The following KALRN variants were observed in gnomAD, a reference collection of about 807,000 sequenced individuals.
The protein encoded by KALRN is kalirin.
KALRN carries 70 observed loss-of-function variants against 353.7 expected under a neutral mutation model. The ratio of observed to expected loss-of-function variants is 0.20; its 90% CI spans 0.16 to 0.24. KALRN has a LOEUF of 0.24. KALRN is among the 10% of genes least tolerant of loss of function. The probability of loss-of-function intolerance (pLI) is 1.00; values close to 1 mark genes in which losing one functional copy is unlikely to be tolerated. For synonymous variants in KALRN, 1,391 were observed against 1,434.8 expected (o/e 0.97, Z 0.69); for missense variants, 2,791 against 3,756.7 (o/e 0.74, Z 6.72).
chr3:124,593,881 C>T (rs1000807302), intron 34 of KALRN, among the ~76,000 whole-genome samples: 6 of 152,154 alleles, frequency 3.9e-5, no homozygotes, highest in East Asian at 3.9e-4. Context: ...CCCTGCCAAA[C>T]GAGGTCTTGC....
rs141190005 is a variant in KALRN at position 124,689,113 on chromosome 3, A to G, written c.7378-4691A>G. 5.0e-3 allele frequency among the ~76,000 whole-genome samples: 758 copies of G among 152,370 alleles called. 2 individuals carry two copies. Among genetic ancestry groups the G allele is most frequent in the Non-Finnish European group, 9.0e-3 (609 of 68,030 alleles). ...AGCCCTGTCCTCCCGGACTTGGCCCAGCATTCTCTTGTGCTGTTTCACAGA... is the reference window on the plus strand; with the variant it reads ...AGCCCTGTCCTCCCGGACTTGGCCCGGCATTCTCTTGTGCTGTTTCACAGA... On this transcript the variant is annotated intron_variant, in intron 51 of 59. Coordinates refer to ENST00000682506, the MANE Select transcript of KALRN (RefSeq NM_001388419.1).
At chr3:124,174,347 T>C (rs1364298034) in intron 1 of KALRN, among the ~76,000 whole-genome samples, 2 of 151,892 alleles carry the variant, frequency 1.3e-5, no homozygotes, top group Non-Finnish European at 2.9e-5. Context: ...GGCAGGAGAA[T>C]CTCTTGAACC....
chr3:124,179,272 A>T (rs1255123669), intron 1 of KALRN, among the ~76,000 whole-genome samples: 2 of 152,220 alleles, frequency 1.3e-5, no homozygotes, highest in East Asian at 1.9e-4. Context: ...CTTTAAAAAA[A>T]TTTTTAAAAC....
At chr3:124,639,971 A>G (rs2081849412) in intron 37 of KALRN, among the ~76,000 whole-genome samples, 1 of 152,150 alleles carries the variant, frequency 6.6e-6, no homozygotes, top group Non-Finnish European at 1.5e-5. Flanking sequence ...TGTGGTAGCA[A>G]TGTAACAATA....
chr3:124,592,318 A>C (rs1578199235), intron 34 of KALRN, among the ~76,000 whole-genome samples: 1 of 151,606 alleles, frequency 6.6e-6, no homozygotes, highest in Non-Finnish European at 1.5e-5. Flanking sequence ...ACAAAAAAAA[A>C]AAAAAAAAAA....
chr3:124,519,774 C>T, intron 33 of KALRN: 1 of 985,434 alleles, frequency 1.0e-6, no homozygotes, highest in Admixed American at 6.1e-5. Context: ...CGGGCATTTG[C>T]ATGACTGAGA....
chr3:124,708,571 T>C (rs333262), intron 57 of KALRN, among the ~76,000 whole-genome samples: 102,642 of 151,992 alleles, frequency 0.68, 35,118 homozygotes, highest in East Asian at 0.9. Flanking sequence ...ATAAATTATC[T>C]GACATGAAGA....
chr3:124,268,930 G>A lies in KALRN; in HGVS notation c.644G>A (p.Arg215Gln), dbSNP rs758996837. 34 of 1,613,950 alleles carry A rather than the reference G, an allele frequency of 2.1e-5. No homozygotes were observed. The highest frequency in any genetic ancestry group is 2.7e-5 in the Non-Finnish European group (32 of 1,180,002). ...GAGGACCTCCAGGAGATGCTAGCCC[G>A]GAAGGAGTTTCCTGTGGATGTGGAG... is the stretch of plus-strand genomic sequence containing the variant. The part of the protein sequence containing the change: ...RLEDLQEMLA[R>Q]KEFPVDVEGS... Residue 215 changes from arginine to glutamine, a missense_variant, in exon 5 of 60, where the codon CGG (arginine) becomes CAG (glutamine). Arg to Gln is a conservative substitution (Grantham distance 43). Around this residue, in one of 11 missense-constraint regions of KALRN, gnomAD observed 366 missense variants for 489.2 expected, o/e 0.75. Transcript: ENST00000682506.
Position 124,131,052 on chromosome 3 carries a change from C to T in KALRN, c.74-96938C>T, listed in dbSNP as rs140970063. On this transcript the variant is annotated intron_variant, in intron 1 of 59. Coordinates refer to ENST00000682506, the MANE Select transcript of KALRN (RefSeq NM_001388419.1). ...TTAGTGTATAACATATGCAGAAATT[C>T]ACCCAGCTGTACCCTTATGATTTGT... Among the ~76,000 whole-genome samples, 105 of 152,256 alleles carry T rather than the reference C, an allele frequency of 6.9e-4. No homozygotes were observed. The South Asian group carries it at 0.014, about 20-fold the overall frequency.
intron 33 of KALRN, among the ~76,000 whole-genome samples, chr3:124,528,596 T>C (rs1331692763): frequency 6.6e-6 from 1 of 152,090 alleles, no homozygotes; most frequent in Admixed American, 6.6e-5. Context: ...GAGCTTAGAG[T>C]ACCAGCACAC....
intron 1 of KALRN, among the ~76,000 whole-genome samples, chr3:124,044,309 C>G (rs958102357): frequency 6.6e-6 from 1 of 152,102 alleles, no homozygotes; most frequent in Non-Finnish European, 1.5e-5. Flanking sequence ...GGGCACCAGG[C>G]TTATCTACCC....
intron 1 of KALRN, among the ~76,000 whole-genome samples, chr3:124,218,066 C>G (rs2077519039): frequency 6.6e-6 from 1 of 152,110 alleles, no homozygotes; most frequent in Non-Finnish European, 1.5e-5. Context: ...TGAGGGTCCT[C>G]TGCCCTAAAC....
At chr3:124,527,802 C>T (rs1561225951) in intron 33 of KALRN, among the ~76,000 whole-genome samples, 1 of 152,018 alleles carries the variant, frequency 6.6e-6, no homozygotes, top group Admixed American at 6.6e-5. Flanking sequence ...TCAAGAGAAG[C>T]CTTTCTGATA....
chr3:124,281,719 A>G lies in KALRN; in HGVS notation c.969+12464A>G, dbSNP rs115565014. ...TTGTCCCTGTTCCATGCCATCTAGCATTATAGCTAGGTGCTCAAAGATCTC... is the reference window on the plus strand; with the variant it reads ...TTGTCCCTGTTCCATGCCATCTAGCGTTATAGCTAGGTGCTCAAAGATCTC... On this transcript the variant is annotated intron_variant, in intron 5 of 59. Coordinates refer to ENST00000682506, the MANE Select transcript of KALRN (RefSeq NM_001388419.1). Among the ~76,000 whole-genome samples, 141 of 152,316 alleles carry G rather than the reference A, an allele frequency of 9.3e-4. 1 individual carries two copies. The highest frequency in any genetic ancestry group is 3.3e-3 in the African/African-American group (139 of 41,576).
chr3:124,598,126 C>A (rs1049968279), intron 34 of KALRN, among the ~76,000 whole-genome samples: 1 of 152,218 alleles, frequency 6.6e-6, no homozygotes. Flanking sequence ...ATCTGTCCCA[C>A]AGTGGCCACT....
chr3:124,492,009 C>T (rs565178853), intron 31 of KALRN, among the ~76,000 whole-genome samples: 1 of 152,124 alleles, frequency 6.6e-6, no homozygotes, highest in Non-Finnish European at 1.5e-5. Context: ...CTCTGGGGCA[C>T]AGCAGTGATG....
At position 124,674,563 on chromosome 3, in the gene KALRN, T is replaced by G; in HGVS notation, c.7142T>G (p.Leu2381Arg). 2 of 1,610,052 alleles carry G rather than the reference T, an allele frequency of 1.2e-6. No homozygotes were observed. The highest frequency in any genetic ancestry group is 1.7e-6 in the Non-Finnish European group (2 of 1,177,798). ...AAEGWVPGSI[L>R]APLTKATAAE... is the part of the protein sequence containing the mutation. ...GAGGGCTGGGTCCCAGGCAGCATCC[T>G]GGCGCCCCTCACCAAAGCCACAGCA... Residue 2381 changes from leucine to arginine, a missense_variant, in exon 49 of 60, where the codon CTG becomes CGG. By Grantham distance (102) the Leu-to-Arg change is moderately radical. Around this residue, in one of 11 missense-constraint regions of KALRN, gnomAD observed 1,065 missense variants for 1,156.4 expected, o/e 0.92. Coordinates refer to ENST00000682506, the MANE Select transcript of KALRN (RefSeq NM_001388419.1).
chr3:124,477,211 A>G, intron 26 of KALRN, 34 bp from the exon 27 acceptor site: 1 of 1,470,368 alleles, frequency 6.8e-7, no homozygotes, highest in East Asian at 2.3e-5. Flanking sequence ...ACAACTAATG[A>G]ATGCTTATCT....
At chr3:124,640,585 A>G (rs779045426) in intron 37 of KALRN, among the ~76,000 whole-genome samples, 6 of 152,084 alleles carry the variant, frequency 3.9e-5, no homozygotes, top group Admixed American at 1.3e-4. Flanking sequence ...CGCCCAGCCA[A>G]TGCATTCTAT....
Sources: allele counts gnomAD v4.1 joint callset (sites outside exome capture counted in the v4.1 genomes callset), GRCh38; gene constraint gnomAD v4.1.1; regional missense constraint gnomAD v4.1.1; transcripts MANE v1.5; gene names NCBI Gene and HGNC (gene_info 2026-07-23, HGNC 2026-07-21).